FCER1A: variants seen among roughly 807,000 people sequenced by gnomAD.
The protein encoded by FCER1A is high affinity immunoglobulin epsilon receptor subunit alpha.
Under a neutral mutation model 23.6 loss-of-function variants are expected in FCER1A, and 24 were observed. The observed-to-expected ratio is 1.02, with a 90% CI of 0.74 to 1.43. The LOEUF is 1.43. Among genes scored for constraint, FCER1A ranks in the 40% most tolerant of loss-of-function variants. FCER1A has a pLI of 0.00. For missense variants in FCER1A, 318 were observed against 294.5 expected, an observed-to-expected ratio of 1.08 and a Z score of -0.58; for synonymous variants, 121 against 108.8, an observed-to-expected ratio of 1.11 and a Z score of -0.70.
At chr1:159,304,281 G>A in intron 3 of FCER1A, 99 bp downstream of exon 3, 1 of 1,237,514 alleles carries the variant, frequency 8.1e-7, no homozygotes, top group Non-Finnish European at 1.1e-6. Context: ...GGACACCAGA[G>A]TGGGATTCAA....
At chr1:159,290,092 A>G (rs77142201) in intron 1 of FCER1A, among the ~76,000 whole-genome samples, 1 of 152,282 alleles carries the variant, frequency 6.6e-6, no homozygotes, top group East Asian at 1.9e-4. Context: ...AGAAGAACCT[A>G]TGTCCCATGC....
chr1:159,304,616 A>C (rs914812324), intron 3 of FCER1A, among the ~76,000 whole-genome samples: 1 of 152,058 alleles, frequency 6.6e-6, no homozygotes, highest in Non-Finnish European at 1.5e-5. Context: ...CAAAAAATAA[A>C]TAAATAAATA....
intron 1 of FCER1A, among the ~76,000 whole-genome samples, chr1:159,291,944 T>G (rs1038456170): frequency 2.0e-5 from 3 of 152,174 alleles, no homozygotes; most frequent in African/African-American, 7.2e-5. Context: ...AGATTCAATG[T>G]AATTAACGAT....
chr1:159,289,056 A>C (rs1236187201), upstream of FCER1A, among the ~76,000 whole-genome samples: 2 of 152,198 alleles, frequency 1.3e-5, no homozygotes, highest in Non-Finnish European at 2.9e-5. Flanking sequence ...TGTCTTCCCC[A>C]AGTCACTTCT....
At chr1:159,289,177 C>T (rs763686590), upstream of FCER1A, among the ~76,000 whole-genome samples, 1 of 152,276 alleles carries the variant, frequency 6.6e-6, no homozygotes, top group Non-Finnish European at 1.5e-5. Flanking sequence ...TCCTGCTGCT[C>T]TTTCTTTTCT....
chr1:159,288,368 G>A (rs529368110), upstream of FCER1A, among the ~76,000 whole-genome samples: 8 of 152,092 alleles, frequency 5.3e-5, no homozygotes, highest in Middle Eastern at 6.8e-3. Context: ...ACTATTCTTG[G>A]TTCTTTCCCT....
chr1:159,288,612 C>A (rs1652075291), upstream of FCER1A, among the ~76,000 whole-genome samples: 1 of 152,212 alleles, frequency 6.6e-6, no homozygotes, highest in Admixed American at 6.5e-5. Context: ...GCACTCTTAT[C>A]ATTTCAGTAT....
chr1:159,304,116 G>A lies in FCER1A; in HGVS notation c.265G>A (p.Gly89Arg). Residue 89 changes from glycine to arginine, a missense_variant, in exon 3 of 5, where the codon GGA (glycine) becomes AGA (arginine). Physicochemically the swap from Gly to Arg is moderately radical, Grantham distance 125 (BLOSUM62 -2). Coordinates refer to ENST00000693622, the MANE Select transcript of FCER1A (RefSeq NM_001387280.1). ...NIVNAKFEDS[G>R]EYKCQHQQVN... The stretch of plus-strand genomic sequence containing the variant: ...TGTGAATGCCAAATTTGAAGACAGT[G>A]GAGAATACAAATGTCAGCACCAACA... 2.5e-6 allele frequency: 4 copies of A among 1,613,700 alleles called. No individual in the cohort carries two copies. Among genetic ancestry groups the A allele is most frequent in the Non-Finnish European group, 1.7e-6 (2 of 1,179,626 alleles).
In FCER1A at chr1:159,306,119, T is replaced by C. The variant is rs1652604970; in HGVS notation, c.463T>C (p.Trp155Arg). The change falls in exon 4 of 5, where the codon TGG becomes CGG. Residue 155 changes from tryptophan (W) to arginine (R), a missense_variant. Physicochemically the swap from Trp to Arg is moderately radical, Grantham distance 101 (BLOSUM62 -3). Transcript: ENST00000693622. ...TAAGGATGGTGAAGCTCTCAAGTAC[T>C]GGTATGAGAACCACAACATCTCCAT... is the stretch of plus-strand genomic sequence containing the variant. ...YYKDGEALKY[W>R]YENHNISITN... 3 of 1,614,034 alleles carry C rather than the reference T, an allele frequency of 1.9e-6. No individual in the cohort carries two copies. Among genetic ancestry groups the C allele is most frequent in the Non-Finnish European group, 2.5e-6 (3 of 1,180,024 alleles).
chr1:159,304,213 T>C (rs750669691), intron 3 of FCER1A, 31 bp downstream of exon 3: 2 of 1,597,552 alleles, frequency 1.3e-6, no homozygotes, highest in Non-Finnish European at 1.7e-6. Flanking sequence ...AATACAGATC[T>C]CTCATGTGAG....
intron 4 of FCER1A, among the ~76,000 whole-genome samples, chr1:159,307,524 G>A (rs1378764106): frequency 6.6e-6 from 1 of 152,146 alleles, no homozygotes; most frequent in Non-Finnish European, 1.5e-5. Flanking sequence ...GGCTACTGGA[G>A]TTAAGAGGAA....
upstream of FCER1A, among the ~76,000 whole-genome samples, chr1:159,287,995 T>G (rs766228143): frequency 2.0e-5 from 3 of 152,016 alleles, no homozygotes; most frequent in Non-Finnish European, 2.9e-5. Context: ...TTGACTTCAA[T>G]GAGGATGTGA....
At chr1:159,302,797 C>T in intron 1 of FCER1A, 57 bp from the exon 2 acceptor site, 2 of 1,509,878 alleles carry the variant, frequency 1.3e-6, no homozygotes, top group East Asian at 2.3e-5. Context: ...AGATTCTAGT[C>T]CTCTGGAGAT....
At position 159,307,882 on chromosome 1, in the gene FCER1A, G is replaced by A; in HGVS notation, c.724G>A (p.Gly242Ser). The A allele has an allele frequency of 6.2e-7, 1 of 1,613,374 alleles. No individual in the cohort carries two copies. Among genetic ancestry groups the A allele is most frequent in the Non-Finnish European group, 8.5e-7 (1 of 1,179,478 alleles). The part of the protein sequence containing the change: ...FLLKIKRTRK[G>S]FRLLNPHPKP... ...CTTGAAGATTAAGAGAACCAGGAAA[G>A]GCTTCAGACTTCTGAACCCACATCC... The change falls in exon 5 of 5, where the codon GGC (glycine) becomes AGC (serine). Residue 242 changes from glycine to serine, a missense_variant. Physicochemically the swap from Gly to Ser is moderately conservative, Grantham distance 56. Coordinates refer to ENST00000693622, the MANE Select transcript of FCER1A (RefSeq NM_001387280.1).
intron 3 of FCER1A, among the ~76,000 whole-genome samples, chr1:159,305,697 A>G (rs1652578891): frequency 1.3e-5 from 2 of 152,178 alleles, no homozygotes; most frequent in Non-Finnish European, 2.9e-5. Context: ...GCAACAGAAG[A>G]TCTGAAAGGA....
chr1:159,293,430 A>G (rs1188803881), intron 1 of FCER1A, among the ~76,000 whole-genome samples: 4 of 151,720 alleles, frequency 2.6e-5, no homozygotes, highest in Non-Finnish European at 4.4e-5. Context: ...TTTAGGGTAC[A>G]TATGCCCAAT....
upstream of FCER1A, among the ~76,000 whole-genome samples, chr1:159,286,266 A>G (rs976911224): frequency 3.9e-5 from 6 of 152,196 alleles, no homozygotes; most frequent in Non-Finnish European, 7.3e-5. Context: ...TCAGGTGGCA[A>G]CAGCTTGCTC....
chr1:159,291,904 G>A (rs1652161815), intron 1 of FCER1A, among the ~76,000 whole-genome samples: 1 of 152,106 alleles, frequency 6.6e-6, no homozygotes, highest in African/African-American at 2.4e-5. Context: ...GAGGATAATT[G>A]TATTCTCTAT....
In FCER1A at chr1:159,302,400, T is replaced by G; in HGVS notation, c.36T>G (p.Cys12Trp). The change falls in exon 1 of 5, where the codon TGT becomes TGG. Residue 12 changes from cysteine to tryptophan, a missense_variant. Coordinates refer to ENST00000693622, the MANE Select transcript of FCER1A (RefSeq NM_001387280.1). ...CCATGGAATCCCCTACTCTACTGTG[T>G]GTAGCCTTACTGTTCTTCGGTAAGT... ...APAMESPTLL[C>W]VALLFFAPDG... 2 of 1,610,912 alleles carry G rather than the reference T, an allele frequency of 1.2e-6. No individual in the cohort carries two copies. The highest frequency in any genetic ancestry group is 1.7e-6 in the Non-Finnish European group (2 of 1,177,024).
Sources: gnomAD v4.1 joint callset for allele counts (sites outside exome capture counted in the v4.1 genomes callset) on GRCh38, gnomAD v4.1.1 for gene constraint, MANE v1.5 for transcripts, NCBI Gene and HGNC (gene_info 2026-07-23, HGNC 2026-07-21) for gene names.